MTMR10: variants seen among roughly 807,000 people sequenced by gnomAD.
The protein encoded by MTMR10 is myotubularin-related protein 10.
Under a neutral mutation model 88.1 loss-of-function variants are expected in MTMR10, and 56 were observed. That is an observed-to-expected ratio of 0.64 (90% CI 0.51 to 0.79). MTMR10 has a LOEUF of 0.79. MTMR10 is among the 30% of genes least tolerant of loss of function. The pLI is 0.00. For missense variants in MTMR10, 883 were observed against 924.7 expected, an observed-to-expected ratio of 0.95 and a Z score of 0.58; for synonymous variants, 380 against 340.9, an observed-to-expected ratio of 1.11 and a Z score of -1.26.
chr15:30,948,774 C>T, intron 12 of MTMR10: 1 of 422,318 alleles, frequency 2.4e-6, no homozygotes, highest in East Asian at 5.2e-5. Context: ...CTCCATTCTA[C>T]TGCTCTTTTG....
rs1018692876 is a variant in MTMR10, at chr15:30,980,567, G to A, written c.122-3612C>T. The stretch of plus-strand genomic sequence containing the variant: ...CTCTGAAAGTGCTAAAAGCAGTGAC[G>A]CTCCAGCAACAACATACACACTCAG... On this transcript the variant is annotated intron_variant, in intron 2 of 15. Coordinates refer to ENST00000435680, the MANE Select transcript of MTMR10 (RefSeq NM_017762.3). Among the ~76,000 whole-genome samples, 13 of 152,184 alleles carry A rather than the reference G, an allele frequency of 8.5e-5. No homozygotes were observed. In the East Asian group the frequency reaches 1.2e-3, roughly 14 times the overall value.
chr15:30,972,324 C>G (rs1008347255), intron 5 of MTMR10, among the ~76,000 whole-genome samples: 1 of 152,110 alleles, frequency 6.6e-6, no homozygotes, highest in Non-Finnish European at 1.5e-5. Context: ...GTTTGAAATG[C>G]GTAAATCCCA....
the MTMR10 span, among the ~76,000 whole-genome samples, chr15:30,933,426 G>A: frequency 1.3e-5 from 2 of 152,178 alleles, no homozygotes; most frequent in Non-Finnish European, 2.9e-5. Flanking sequence ...ACACTTGAGA[G>A]ATTTTCAGGT....
the MTMR10 span, chr15:30,920,436 A>T: frequency 1.3e-6 from 1 of 747,292 alleles, no homozygotes. Flanking sequence ...AAGTATTTAG[A>T]ATATACCTTT....
chr15:30,986,633 A>T (rs1197809192), intron 2 of MTMR10, among the ~76,000 whole-genome samples: 1 of 152,152 alleles, frequency 6.6e-6, no homozygotes, highest in African/African-American at 2.4e-5. Flanking sequence ...AAATCAAATA[A>T]ATTTATCTTT....
the MTMR10 span, among the ~76,000 whole-genome samples, chr15:30,932,125 G>A: frequency 1.3e-5 from 2 of 150,990 alleles, no homozygotes; most frequent in Admixed American, 6.7e-5. Flanking sequence ...GGGAGGCTGA[G>A]GCAGGAGAAT....
At chr15:30,978,520 T>C (rs1282061593) in intron 2 of MTMR10, among the ~76,000 whole-genome samples, 1 of 152,192 alleles carries the variant, frequency 6.6e-6, no homozygotes, top group East Asian at 1.9e-4. Context: ...ATAAGGGCTG[T>C]TTGGGTAAAT....
chr15:30,938,398 A>G (rs1387721094), downstream of MTMR10, among the ~76,000 whole-genome samples: 1 of 152,210 alleles, frequency 6.6e-6, no homozygotes, highest in African/African-American at 2.4e-5. Context: ...GATTTATAAC[A>G]TGTAAATGCT....
chr15:30,990,203 G>A (rs904011111), intron 2 of MTMR10, among the ~76,000 whole-genome samples: 3 of 152,108 alleles, frequency 2.0e-5, no homozygotes, highest in East Asian at 1.9e-4. Flanking sequence ...TAGGTGGTGG[G>A]GGATAAGGGT....
intron 6 of MTMR10, among the ~76,000 whole-genome samples, chr15:30,961,929 T>A (rs2063407630): frequency 6.6e-6 from 1 of 152,238 alleles, no homozygotes; most frequent in South Asian, 2.1e-4. Flanking sequence ...ATATTTTGCC[T>A]GGAAAAATGA....
chr15:30,928,186 G>GCCCAGCCCTGCTAAGT, the MTMR10 span: 3 of 1,020,396 alleles, frequency 2.9e-6, no homozygotes, highest in Admixed American at 5.6e-5. Flanking sequence ...TTCTGTGCCA[G>GCCCAGCCCTGCTAAGT]CCCAGCCCTG....
downstream of MTMR10, among the ~76,000 whole-genome samples, chr15:30,936,207 A>C (rs1036205196): frequency 1.3e-5 from 2 of 152,148 alleles, no homozygotes; most frequent in African/African-American, 4.8e-5. Flanking sequence ...ATATATTTTT[A>C]TCTTATGAAT....
At position 30,960,968 on chromosome 15, in the gene MTMR10, T is replaced by C. The variant is rs763688136; in HGVS notation, c.671A>G (p.Tyr224Cys). The C allele has an allele frequency of 2.5e-6, 4 of 1,606,502 alleles. No homozygotes were observed. The Admixed American group carries it at 6.8e-5, about 27-fold the overall frequency. The part of the protein sequence containing the change: ...SSQKTPLFET[Y>C]SDWDREIKRT... ...CTTGATTTCTCTGTCCCAATCCGAG[T>C]AAGTTTCAAAGAGTGGAGTTTTCTG... The change falls in exon 7 of 16, where the codon TAC becomes TGC. Residue 224 changes from tyrosine (Y) to cysteine (C), a missense_variant. By Grantham distance (194) the Tyr-to-Cys change is radical. Transcript: ENST00000435680.
chr15:30,939,091 G>GT lies in MTMR10; in HGVS notation c.*2378dup. 1 of 985,442 alleles carries GT rather than the reference G, an allele frequency of 1.0e-6. No homozygotes were observed. The highest frequency in any genetic ancestry group is 1.2e-6 in the Non-Finnish European group (1 of 829,936). 61.0% of individuals were successfully genotyped at this position (985,442 alleles called of 1,614,324 possible). A position where few individuals can be genotyped will look rare whatever the true frequency, so the allele number is the denominator to read the frequency against. On this transcript the variant is annotated 3_prime_UTR_variant, in exon 16 of 16. Coordinates refer to ENST00000435680, the MANE Select transcript of MTMR10 (RefSeq NM_017762.3). ...GGTTTTAGTTTTCTCGGGAAATCAA[G>GT]TTTTAACCACTTGAGGTTACTACTG...
chr15:30,933,763 TTG>T, the MTMR10 span, among the ~76,000 whole-genome samples: 1,172 of 140,018 alleles, frequency 8.4e-3, 11 homozygotes, highest in African/African-American at 0.032. Context: ...CTTTTTTTTT[TTG>T]TTTTTGTTTT....
intron 2 of MTMR10, among the ~76,000 whole-genome samples, chr15:30,984,349 T>C (rs1275428020): frequency 6.6e-6 from 1 of 152,204 alleles, no homozygotes; most frequent in Non-Finnish European, 1.5e-5. Flanking sequence ...ATAAAGCTAA[T>C]GCTAAGATAG....
At chr15:30,920,055 G>T in the MTMR10 span, among the ~76,000 whole-genome samples, 1 of 152,220 alleles carries the variant, frequency 6.6e-6, no homozygotes, top group Non-Finnish European at 1.5e-5. Flanking sequence ...TATGGTTTCT[G>T]TGGCACCAAC....
At chr15:30,960,813 A>G in intron 7 of MTMR10, 68 bp downstream of exon 7, 1 of 1,409,856 alleles carries the variant, frequency 7.1e-7, no homozygotes, top group Non-Finnish European at 9.3e-7. Context: ...CAATGACAAC[A>G]GAGTTTGATG....
chr15:30,968,450 T>C (rs888189407), intron 5 of MTMR10, among the ~76,000 whole-genome samples: 1 of 151,382 alleles, frequency 6.6e-6, no homozygotes, highest in Admixed American at 6.6e-5. Flanking sequence ...AACATCTAAA[T>C]AGAGAAACAT....
Sources: gnomAD v4.1 joint callset for allele counts (sites outside exome capture counted in the v4.1 genomes callset) on GRCh38, gnomAD v4.1.1 for gene constraint, MANE v1.5 for transcripts, NCBI Gene and HGNC (gene_info 2026-07-23, HGNC 2026-07-21) for gene names.